Variants in SESN2 observed in about 807,000 individuals in gnomAD.
The protein encoded by SESN2 is sestrin-2.
Under a neutral mutation model 56.0 loss-of-function variants are expected in SESN2, and 42 were observed. That is an observed-to-expected ratio of 0.75 (90% CI 0.59 to 0.97). SESN2 has a LOEUF of 0.97. Ranked by LOEUF, SESN2 falls within the 50% of genes least tolerant of loss-of-function variation. The pLI is 0.00. For missense variants in SESN2, 507 were observed against 649.4 expected, an observed-to-expected ratio of 0.78 and a Z score of 2.38; for synonymous variants, 264 against 267.1, an observed-to-expected ratio of 0.99 and a Z score of 0.11.
chr1:28,280,872 C>T lies in SESN2; in HGVS notation c.*70C>T. On this transcript the variant is annotated 3_prime_UTR_variant, in exon 10 of 10. Transcript: ENST00000253063. Reference sequence around the variant, plus strand: ...TCTCTGTCTGGAGACAGCCCCAGACCCTTTTGTGTCCCATGCCCACCCTCC... The same window carrying T: ...TCTCTGTCTGGAGACAGCCCCAGACTCTTTTGTGTCCCATGCCCACCCTCC... 8.2e-7 allele frequency: 1 copy of T among 1,217,324 alleles called. No homozygotes were observed. The highest frequency in any genetic ancestry group is 2.3e-5 in the East Asian group (1 of 42,756). 75.4% of individuals were successfully genotyped at this position (1,217,324 alleles called of 1,614,324 possible).
chr1:28,275,046 T>C, intron 8 of SESN2, 31 bp downstream of exon 8: 1 of 1,531,878 alleles, frequency 6.5e-7, no homozygotes, highest in Non-Finnish European at 9.0e-7. Flanking sequence ...TTGGGGCATG[T>C]GTGCACTGTA....
chr1:28,269,425 T>C (rs1647677400), intron 2 of SESN2, among the ~76,000 whole-genome samples, 177 bp downstream of exon 2: 1 of 152,208 alleles, frequency 6.6e-6, no homozygotes, highest in Non-Finnish European at 1.5e-5. Context: ...AACTCCATTT[T>C]ACTGGGAAGA....
At chr1:28,275,318 C>A (rs528995397) in intron 8 of SESN2, among the ~76,000 whole-genome samples, 21 of 149,202 alleles carry the variant, frequency 1.4e-4, no homozygotes, top group African/African-American at 4.3e-4. Context: ...CACACACACA[C>A]TATATATATA....
chr1:28,264,409 A>G lies in SESN2; in HGVS notation c.90+4472A>G, dbSNP rs1229311451. Among the ~76,000 whole-genome samples the G allele has an allele frequency of 2.0e-5, 3 of 152,206 alleles. No individual in the cohort carries two copies. In the East Asian group the frequency reaches 5.8e-4, roughly 29 times the overall value. On this transcript the variant is annotated intron_variant, in intron 1 of 9. Coordinates refer to ENST00000253063, the MANE Select transcript of SESN2 (RefSeq NM_031459.5). ...TTTTACAGTTTGTGTGAAGACCTTC[A>G]TGTTGAATGACCACCTAAAGGGTTA...
At chr1:28,267,462 G>A (rs1647596623) in intron 1 of SESN2, among the ~76,000 whole-genome samples, 1 of 152,104 alleles carries the variant, frequency 6.6e-6, no homozygotes, top group South Asian at 2.1e-4. Flanking sequence ...TCCTCAGTGG[G>A]CTTTTGGCCA....
chr1:28,281,392 CT>C lies in SESN2; in HGVS notation c.*595del. 6.6e-6 allele frequency: 1 copy of C among 152,268 alleles called. No homozygotes were observed. The highest frequency in any genetic ancestry group is 2.4e-5 in the African/African-American group (1 of 41,494). The allele number at this position is 152,268 out of a possible 1,614,324, so 9.4% of individuals were successfully genotyped here. ...GTTCAGTTTTTTGACTTCCTTTGCC[CT>C]TTTTCCCTTTTCTCCATGCTTAATG... On this transcript the variant is annotated 3_prime_UTR_variant, in exon 10 of 10. Transcript: ENST00000253063.
chr1:28,273,390 G>A lies in SESN2; in HGVS notation c.783G>A (p.Leu261=), dbSNP rs2149039136. Residue 261 remains leucine, a synonymous_variant, in exon 6 of 10, where the codon CTG becomes CTA. Transcript: ENST00000253063. ...GFESARDVEA[L]MERMQQLQES... ...AGTCTGCCCGCGACGTGGAGGCGCTGATGGAGCGCATGCAGCAGCTGCAGG... is the reference window on the plus strand; with the variant it reads ...AGTCTGCCCGCGACGTGGAGGCGCTAATGGAGCGCATGCAGCAGCTGCAGG... 2 of 1,608,470 alleles carry A rather than the reference G, an allele frequency of 1.2e-6. No homozygotes were observed. The highest frequency in any genetic ancestry group is 2.2e-5 in the South Asian group (2 of 90,578).
At chr1:28,279,357 A>T in intron 9 of SESN2, 116 bp downstream of exon 9, 1 of 998,588 alleles carries the variant, frequency 1.0e-6, no homozygotes, top group Non-Finnish European at 1.5e-6. Context: ...TAGGTGGGAC[A>T]CCTGGGCCTA....
intron 1 of SESN2, among the ~76,000 whole-genome samples, chr1:28,268,495 G>A (rs1186098146): frequency 2.0e-5 from 3 of 151,968 alleles, no homozygotes; most frequent in Non-Finnish European, 2.9e-5. Flanking sequence ...GAGAAACCCA[G>A]TTTCTACTAA....
Position 28,271,850 on chromosome 1 carries a change from G to C in SESN2, c.333G>C (p.Trp111Cys). 1 of 1,614,214 alleles carries C rather than the reference G, an allele frequency of 6.2e-7. No individual in the cohort carries two copies. Among genetic ancestry groups the C allele is most frequent in the Non-Finnish European group, 8.5e-7 (1 of 1,180,050 alleles). ...LHTDGPLASSWRHYIAIMAAA... is the reference protein window; with the variant it reads ...LHTDGPLASSCRHYIAIMAAA... ...CGGATGGTCCCTTGGCCAGCTCCTGGCGCCACTACATTGCCATCATGGTGA... is the reference window on the plus strand; with the variant it reads ...CGGATGGTCCCTTGGCCAGCTCCTGCCGCCACTACATTGCCATCATGGTGA... The change falls in exon 3 of 10, where the codon TGG becomes TGC. Residue 111 changes from tryptophan to cysteine, a missense_variant. Trp to Cys is a radical substitution (Grantham distance 215). Transcript: ENST00000253063.
At chr1:28,273,936 G>T in intron 6 of SESN2, 104 bp from the exon 7 acceptor site, 6 of 757,348 alleles carry the variant, frequency 7.9e-6, no homozygotes, top group African/African-American at 1.7e-5. Flanking sequence ...GGCTTTTTTT[G>T]GCCCTCTATT....
In SESN2 at chr1:28,272,270, C is replaced by T; in HGVS notation, c.355-14C>T. On this transcript the variant is annotated splice_polypyrimidine_tract_variant and intron_variant, in intron 3 of 9. Transcript: ENST00000253063. ...GGAGGAGGGTGACTCAGGCTGTGTC[C>T]ACTACCTCCGCAGGCTGCCGCCCGC... The T allele has an allele frequency of 4.3e-6, 7 of 1,612,900 alleles. No homozygotes were observed. Among genetic ancestry groups the T allele is most frequent in the Non-Finnish European group, 5.9e-6 (7 of 1,179,462 alleles).
chr1:28,264,682 TAAATA>T (rs1189885502), intron 1 of SESN2, among the ~76,000 whole-genome samples: 2 of 152,348 alleles, frequency 1.3e-5, no homozygotes, highest in Middle Eastern at 3.4e-3. Flanking sequence ...AAATTAAAAT[TAAATA>T]AAATGAAAAT....
chr1:28,282,186 G>T lies in SESN2; in HGVS notation c.*1384G>T, dbSNP rs987048489. The T allele has an allele frequency of 2.0e-5, 3 of 152,534 alleles. No homozygotes were observed. The highest frequency in any genetic ancestry group is 7.2e-5 in the African/African-American group (3 of 41,464). 9.4% of individuals were successfully genotyped at this position (152,534 alleles called of 1,614,324 possible). On this transcript the variant is annotated 3_prime_UTR_variant, in exon 10 of 10. Coordinates refer to ENST00000253063, the MANE Select transcript of SESN2 (RefSeq NM_031459.5). Reference sequence around the variant, plus strand: ...CCAGTTTGGAGGGCACTGAAGAAAGGCAAGGGCCGTGCTGCTGCTGGGCGG... The same window carrying T: ...CCAGTTTGGAGGGCACTGAAGAAAGTCAAGGGCCGTGCTGCTGCTGGGCGG...
rs1398791665 is a variant in SESN2, at chr1:28,282,114, T to TA, written c.*1313dup. The TA allele has an allele frequency of 6.6e-6, 1 of 152,292 alleles. No homozygotes were observed. Among genetic ancestry groups the TA allele is most frequent in the African/African-American group, 2.4e-5 (1 of 41,460 alleles). The allele number at this position is 152,292 out of a possible 1,614,324, so 9.4% of individuals were successfully genotyped here. On this transcript the variant is annotated 3_prime_UTR_variant, in exon 10 of 10. Transcript: ENST00000253063. ...CTTTCTGTAGCAAATGACTGTGAAT[T>TA]ACGACTTCTCTTGCCCTTCTTCTAG...
Position 28,259,675 on chromosome 1 carries a change from A to T in SESN2, c.-173A>T. On this transcript the variant is annotated 5_prime_UTR_variant, in exon 1 of 10. Transcript: ENST00000253063. ...CGAAGCCCGACTGGGGGAAGAGTCC[A>T]GCACCAAAGCGGCCGTTCTCGGATT... 1 of 506,838 alleles carries T rather than the reference A, an allele frequency of 2.0e-6. No individual in the cohort carries two copies. Among genetic ancestry groups the T allele is most frequent in the Non-Finnish European group, 3.4e-6 (1 of 293,312 alleles). The allele number at this position is 506,838 out of a possible 1,614,324, so 31.4% of individuals were successfully genotyped here.
intron 8 of SESN2, among the ~76,000 whole-genome samples, chr1:28,275,241 G>A (rs528467182): frequency 6.6e-6 from 1 of 151,340 alleles, no homozygotes; most frequent in African/African-American, 2.4e-5. Context: ...TGATATTTAT[G>A]TACATATATA....
chr1:28,263,114 C>T (rs1647438886), intron 1 of SESN2, among the ~76,000 whole-genome samples: 1 of 152,188 alleles, frequency 6.6e-6, no homozygotes, highest in African/African-American at 2.4e-5. Flanking sequence ...CAGCACTGCT[C>T]TTTGCACCTA....
chr1:28,271,212 T>G (rs1287640980), intron 2 of SESN2, among the ~76,000 whole-genome samples: 1 of 152,130 alleles, frequency 6.6e-6, no homozygotes, highest in African/African-American at 2.4e-5. Flanking sequence ...CGGAGAAAAC[T>G]GTAAGCTCAG....
Sources: allele counts gnomAD v4.1 joint callset (sites outside exome capture counted in the v4.1 genomes callset), GRCh38; gene constraint gnomAD v4.1.1; transcripts MANE v1.5; gene names NCBI Gene and HGNC (gene_info 2026-07-23, HGNC 2026-07-21).